Variants in KANSL3 observed in about 807,000 individuals in gnomAD.
KANSL3 encodes NSL complex protein NSL3.
KANSL3 carries 16 observed loss-of-function variants against 89.2 expected under a neutral mutation model. That is an observed-to-expected ratio of 0.18 (90% CI 0.12 to 0.27). The LOEUF is 0.27. Among genes scored for constraint, KANSL3 ranks in the 10% least tolerant of loss-of-function variants. The pLI, the probability that KANSL3 is intolerant of heterozygous loss-of-function variation, is 1.00. For missense variants in KANSL3, 879 were observed against 1,110.6 expected, an observed-to-expected ratio of 0.79 and a Z score of 2.96; for synonymous variants, 385 against 419.7, an observed-to-expected ratio of 0.92 and a Z score of 1.01.
At chr2:96,636,286 G>A (rs1412479103) in intron 2 of KANSL3, among the ~76,000 whole-genome samples, 2 of 152,146 alleles carry the variant, frequency 1.3e-5, no homozygotes, top group African/African-American at 4.8e-5. Flanking sequence ...CAAAAGAACT[G>A]GCAAACAGGT....
Position 96,617,557 on chromosome 2 carries a change from TA to T in KANSL3, c.663+1801del, listed in dbSNP as rs571521172. On this transcript the variant is annotated intron_variant, in intron 5 of 20. Transcript: ENST00000431828. Reference sequence around the variant, plus strand: ...CCTGTGAAGCAGAAAGTAAAACTATTAAAAAAAAAAAAAAAAGTGTCAAAAA... The same window carrying T: ...CCTGTGAAGCAGAAAGTAAAACTATTAAAAAAAAAAAAAAAGTGTCAAAAA... 4.7e-3 allele frequency among the ~76,000 whole-genome samples: 588 copies of T among 124,090 alleles called. 1 individual carries two copies. The highest frequency in any genetic ancestry group is 0.024 in the Middle Eastern group (6 of 246). 81.4% of individuals were successfully genotyped at this position (124,090 alleles called of 152,430 possible).
At chr2:96,631,820 G>A (rs1018345795) in intron 2 of KANSL3, among the ~76,000 whole-genome samples, 3 of 152,078 alleles carry the variant, frequency 2.0e-5, no homozygotes, top group African/African-American at 7.2e-5. Context: ...GCCGAGGCAG[G>A]TGGATTGCTT....
chr2:96,608,279 C>A (rs572923000), intron 14 of KANSL3, among the ~76,000 whole-genome samples: 1 of 152,186 alleles, frequency 6.6e-6, no homozygotes, highest in African/African-American at 2.4e-5. Flanking sequence ...CTAGCCTCCC[C>A]AGAACAGCAA....
the KANSL3 span, among the ~76,000 whole-genome samples, chr2:96,587,119 G>A: frequency 2.0e-5 from 3 of 152,128 alleles, no homozygotes; most frequent in Non-Finnish European, 2.9e-5. Flanking sequence ...TTTAGTTTTT[G>A]GGGGGTGGTG....
chr2:96,612,384 C>G (rs1485550255), intron 8 of KANSL3, 31 bp from the exon 9 acceptor site: 2 of 1,607,620 alleles, frequency 1.2e-6, no homozygotes, highest in Non-Finnish European at 1.7e-6. Context: ...GACAGTAAGA[C>G]AGGAGGCCAA....
rs1159374667 is a variant in KANSL3, at chr2:96,636,975, G to C, written c.161C>G (p.Ala54Gly). 6.4e-7 allele frequency: 1 copy of C among 1,550,734 alleles called. No individual in the cohort carries two copies. The highest frequency in any genetic ancestry group is 2.0e-5 in the Admixed American group (1 of 50,844). The change falls in exon 2 of 21, where the codon GCC (alanine) becomes GGC (glycine). Residue 54 changes from alanine (A) to glycine (G), a missense_variant. Physicochemically the swap from Ala to Gly is moderately conservative, Grantham distance 60 (BLOSUM62 0). Coordinates refer to ENST00000431828, the MANE Select transcript of KANSL3 (RefSeq NM_001115016.3). ...PWSAHPDASS[A>G]RPTRMLFVTP... ...GACAAAGAGCATGCGGGTGGGGCGG[G>C]CACTACTGGCATCTGGGTGGGCACT...
chr2:96,601,002 A>C, intron 20 of KANSL3: 3 of 595,708 alleles, frequency 5.0e-6, no homozygotes, highest in Non-Finnish European at 4.2e-6. Flanking sequence ...AAAACAAAGA[A>C]AGGGCCAGGA....
At chr2:96,592,366 T>C (rs185095858), downstream of KANSL3, among the ~76,000 whole-genome samples, 49 of 152,312 alleles carry the variant, frequency 3.2e-4, 1 homozygote, top group African/African-American at 1.2e-3. Flanking sequence ...AATCTTTATG[T>C]ATTTATTGGC....
At chr2:96,618,437 G>A (rs1342739168) in intron 5 of KANSL3, among the ~76,000 whole-genome samples, 3 of 152,188 alleles carry the variant, frequency 2.0e-5, no homozygotes, top group Non-Finnish European at 4.4e-5. Flanking sequence ...CGATCCTCCT[G>A]CCTCAGCCTC....
At chr2:96,596,766 G>C (rs901208730) in intron 20 of KANSL3, among the ~76,000 whole-genome samples, 1 of 152,240 alleles carries the variant, frequency 6.6e-6, no homozygotes, top group Non-Finnish European at 1.5e-5. Context: ...CCTGCTACAA[G>C]GCTACAGTGA....
intron 3 of KANSL3, chr2:96,628,257 T>A (rs1233502225): frequency 1.0e-6 from 1 of 985,048 alleles, no homozygotes; most frequent in Non-Finnish European, 1.2e-6. Flanking sequence ...TATTCACTTC[T>A]GAAATAAAAT....
At chr2:96,591,282 C>A (rs953133761), downstream of KANSL3, among the ~76,000 whole-genome samples, 7 of 152,094 alleles carry the variant, frequency 4.6e-5, no homozygotes, top group Non-Finnish European at 8.8e-5. Context: ...TATACATCAA[C>A]CTATTTAGGA....
chr2:96,609,549 T>C lies in KANSL3; in HGVS notation c.1333A>G (p.Lys445Glu). The C allele has an allele frequency of 6.2e-7, 1 of 1,613,630 alleles. No homozygotes were observed. Among genetic ancestry groups the C allele is most frequent in the Non-Finnish European group, 8.5e-7 (1 of 1,179,540 alleles). Reference sequence around the variant, plus strand: ...TGAGTCAACCCTTCTGATTTCTTCTTTGCTTTGCTTATTCTAAGAAACAAA... The same window carrying C: ...TGAGTCAACCCTTCTGATTTCTTCTCTGCTTTGCTTATTCTAAGAAACAAA... ...ADDNLRISKA[K>E]KKSEGLTQSM... The change falls in exon 12 of 21, where the codon AAG (lysine) becomes GAG (glutamate). Residue 445 changes from lysine to glutamate, a missense_variant. Coordinates refer to ENST00000431828, the MANE Select transcript of KANSL3 (RefSeq NM_001115016.3).
chr2:96,625,942 G>A (rs1038607990), intron 3 of KANSL3, among the ~76,000 whole-genome samples: 1 of 152,162 alleles, frequency 6.6e-6, no homozygotes, highest in African/African-American at 2.4e-5. Context: ...GAACTGTGGT[G>A]AGCCAACTGG....
intron 14 of KANSL3, 160 bp from the exon 15 acceptor site, chr2:96,605,671 A>G (rs370022440): frequency 1.7e-6 from 1 of 576,334 alleles, no homozygotes. Flanking sequence ...CCCATGCTTC[A>G]GGACCACTTC....
In KANSL3 at chr2:96,601,731, G is replaced by T; in HGVS notation, c.2528C>A (p.Pro843Gln). 1 of 1,598,936 alleles carries T rather than the reference G, an allele frequency of 6.3e-7. No homozygotes were observed. The highest frequency in any genetic ancestry group is 8.5e-7 in the Non-Finnish European group (1 of 1,174,544). The change falls in exon 20 of 21, where the codon CCG becomes CAG. Residue 843 changes from proline to glutamine, a missense_variant. Coordinates refer to ENST00000431828, the MANE Select transcript of KANSL3 (RefSeq NM_001115016.3). ...AGGGCTCAGTGTAGTGATCCTGCTC[G>T]GCTGGCCACGAAGTGTCAGAGTAAT... ...TTITLTLRGQPSRITTLSPMG... is the reference protein window; with the variant it reads ...TTITLTLRGQQSRITTLSPMG...
chr2:96,590,418 A>C (rs2066264097), downstream of KANSL3, among the ~76,000 whole-genome samples: 2 of 151,734 alleles, frequency 1.3e-5, no homozygotes, highest in African/African-American at 2.4e-5. Context: ...TCAGCTTCCC[A>C]AGTAGCCGGG....
chr2:96,611,903 A>ATACGTGTGTGTGTGTG (rs376030964), intron 9 of KANSL3, among the ~76,000 whole-genome samples: 1 of 113,304 alleles, frequency 8.8e-6, no homozygotes, highest in Non-Finnish European at 1.7e-5. Flanking sequence ...ATATACCCAT[A>ATACGTGTGTGTGTGTG]TGTGTGTGTG....
At chr2:96,616,670 G>A (rs2070187194) in intron 5 of KANSL3, among the ~76,000 whole-genome samples, 1 of 152,224 alleles carries the variant, frequency 6.6e-6, no homozygotes, top group African/African-American at 2.4e-5. Flanking sequence ...TCCGATGGCA[G>A]AGGAACCACT....
Sources: gnomAD v4.1 joint callset for allele counts (sites outside exome capture counted in the v4.1 genomes callset) on GRCh38, gnomAD v4.1.1 for gene constraint, MANE v1.5 for transcripts, NCBI Gene and HGNC (gene_info 2026-07-23, HGNC 2026-07-21) for gene names.